ASXL2: variants seen among roughly 807,000 people sequenced by gnomAD.
ASXL2 encodes the protein putative Polycomb group protein ASXL2.
In ASXL2, 23 loss-of-function variants were observed where a neutral mutation model predicts 122.0. That is an observed-to-expected ratio of 0.19 (90% CI 0.14 to 0.27). ASXL2 has a LOEUF of 0.27. Ranked by LOEUF, ASXL2 falls within the 10% of genes least tolerant of loss-of-function variation. ASXL2 has a pLI of 1.00. For missense variants in ASXL2, 1,518 were observed against 1,713.8 expected (o/e 0.89, Z 2.02); for synonymous variants, 650 against 637.0 (o/e 1.02, Z -0.31).
chr2:25,804,830 A>G (rs2089056100), intron 4 of ASXL2, among the ~76,000 whole-genome samples: 1 of 152,136 alleles, frequency 6.6e-6, no homozygotes, highest in African/African-American at 2.4e-5. Context: ...AGGGTGGATT[A>G]CCTGAGGTCA....
chr2:25,746,065 T>C (rs140975970), intron 12 of ASXL2, among the ~76,000 whole-genome samples: 2 of 152,280 alleles, frequency 1.3e-5, no homozygotes, highest in East Asian at 3.9e-4. Context: ...TGGACTCTTC[T>C]AGTAACTGGT....
At chr2:25,800,384 G>A (rs536647302) in intron 4 of ASXL2, among the ~76,000 whole-genome samples, 2 of 152,284 alleles carry the variant, frequency 1.3e-5, no homozygotes, top group South Asian at 4.1e-4. Flanking sequence ...TTCAATTACA[G>A]AGTAAGAGTC....
chr2:25,734,074 A>AATAGGT lies in ASXL2; in HGVS notation c.*7949_*7954dup, dbSNP rs1384946878. ...AGACAGGTTTTTTTTTTTTAAAAAA[A>AATAGGT]ATAGGTCAAAGCACTTACAGCTAAG... On this transcript the variant is annotated 3_prime_UTR_variant, in exon 13 of 13. Transcript: ENST00000435504. The AATAGGT allele has an allele frequency of 2.0e-5, 3 of 151,766 alleles. No homozygotes were observed. Among genetic ancestry groups the AATAGGT allele is most frequent in the Non-Finnish European group, 4.4e-5 (3 of 67,930 alleles). The allele number at this position is 151,766 out of a possible 1,614,324, so 9.4% of individuals were successfully genotyped here.
At chr2:25,820,937 C>T (rs150677508) in intron 3 of ASXL2, among the ~76,000 whole-genome samples, 20 of 152,136 alleles carry the variant, frequency 1.3e-4, no homozygotes, top group Admixed American at 8.5e-4. Flanking sequence ...GAGGCCTAGG[C>T]GGGCGGATCA....
intron 5 of ASXL2, among the ~76,000 whole-genome samples, chr2:25,786,259 T>TTTTTTTTTTTTTTTA (rs1574416043): frequency 3.1e-5 from 4 of 128,834 alleles, no homozygotes; most frequent in African/African-American, 5.4e-5. Context: ...TTTTTTTTTT[T>TTTTTTTTTTTTTTTA]GAGATGGAGT....
intron 1 of ASXL2, among the ~76,000 whole-genome samples, chr2:25,851,691 GACC>G (rs1289153594): frequency 1.3e-5 from 2 of 152,130 alleles, no homozygotes; most frequent in African/African-American, 4.8e-5. Context: ...GCTCAGTCAT[GACC>G]AGCCTGGCCA....
rs371900260 is a variant in ASXL2 at position 25,736,118 on chromosome 2, T to C, written c.*5911A>G. ...ATTAGTAAATAACATGATTTGTACA[T>C]AAAAAGTTACCAGACTTCTAAAGAC... On this transcript the variant is annotated 3_prime_UTR_variant, in exon 13 of 13. Coordinates refer to ENST00000435504, the MANE Select transcript of ASXL2 (RefSeq NM_018263.6). The C allele has an allele frequency of 2.2e-3, 333 of 152,284 alleles. 1 individual carries two copies. Among genetic ancestry groups the C allele is most frequent in the African/African-American group, 7.8e-3 (326 of 41,552 alleles). 9.4% of individuals were successfully genotyped at this position (152,284 alleles called of 1,614,324 possible).
chr2:25,748,236 C>T (rs550963444), intron 12 of ASXL2, among the ~76,000 whole-genome samples: 18 of 151,646 alleles, frequency 1.2e-4, no homozygotes, highest in African/African-American at 3.9e-4. Flanking sequence ...CGGTGGCCCA[C>T]GCCTGTAATC....
chr2:25,746,232 T>C (rs1055185627), intron 12 of ASXL2, among the ~76,000 whole-genome samples: 3 of 152,192 alleles, frequency 2.0e-5, no homozygotes, highest in African/African-American at 7.2e-5. Flanking sequence ...TTTGCAATAC[T>C]CATTTCTCAA....
intron 9 of ASXL2, among the ~76,000 whole-genome samples, chr2:25,756,465 G>GAAAAAAAAAAGAAAAAAAAAAAAAA (rs2088137252): frequency 6.6e-5 from 6 of 91,372 alleles, no homozygotes; most frequent in Admixed American, 1.2e-4. Context: ...AAAAAAAAAA[G>GAAAAAAAAAAGAAAAAAAAAAAAAA]AAAAAAAAAA....
In ASXL2 at chr2:25,743,622, A is replaced by T; in HGVS notation, c.2715T>A (p.Ser905Arg). ...TLEKLPVPQV[S>R]ATTAPAGSAP... The stretch of plus-strand genomic sequence containing the variant: ...CTGATCCAGCAGGTGCTGTAGTTGC[A>T]CTGACCTGGGGTACAGGAAGCTTTT... The change falls in exon 13 of 13, where the codon AGT becomes AGA. Residue 905 changes from serine to arginine, a missense_variant. Physicochemically the swap from Ser to Arg is moderately radical, Grantham distance 110. This residue lies in a region of ASXL2 where 831 missense variants were observed against 833.1 expected (regional missense o/e 1.00). Coordinates refer to ENST00000435504, the MANE Select transcript of ASXL2 (RefSeq NM_018263.6). 6.2e-7 allele frequency: 1 copy of T among 1,614,022 alleles called. No homozygotes were observed. The highest frequency in any genetic ancestry group is 8.5e-7 in the Non-Finnish European group (1 of 1,179,890).
rs747995535 is a variant in ASXL2 at position 25,878,252 on chromosome 2, C to T, written c.-30G>A. 1.4e-5 allele frequency: 22 copies of T among 1,612,614 alleles called. No individual in the cohort carries two copies. Among genetic ancestry groups the T allele is most frequent in the Non-Finnish European group, 1.8e-5 (21 of 1,179,106 alleles). Reference sequence around the variant, plus strand: ...GGTCTTGAACTGACTGGGAGGCTCCCGTGTCCGGGCTCCGGCCGCCCTCCC... The same window carrying T: ...GGTCTTGAACTGACTGGGAGGCTCCTGTGTCCGGGCTCCGGCCGCCCTCCC... On this transcript the variant is annotated 5_prime_UTR_variant, in exon 1 of 13. Transcript: ENST00000435504.
At chr2:25,791,518 A>C (rs1471995719) in intron 5 of ASXL2, among the ~76,000 whole-genome samples, 6 of 152,026 alleles carry the variant, frequency 3.9e-5, no homozygotes, top group Non-Finnish European at 7.4e-5. Context: ...TTTGTACAAC[A>C]AATATCTTGT....
chr2:25,856,018 C>T (rs1272981098), intron 1 of ASXL2, among the ~76,000 whole-genome samples: 10 of 151,620 alleles, frequency 6.6e-5, no homozygotes, highest in South Asian at 2.1e-4. Context: ...CTCAGCCTCC[C>T]GAGTAGCTGG....
chr2:25,813,441 A>C (rs1221115740), intron 3 of ASXL2, among the ~76,000 whole-genome samples: 3 of 152,204 alleles, frequency 2.0e-5, no homozygotes, highest in African/African-American at 7.2e-5. Flanking sequence ...ATGAATACTC[A>C]CACTAAGATG....
At position 25,740,356 on chromosome 2, in the gene ASXL2, T is replaced by C. The variant is rs1025353818; in HGVS notation, c.*1673A>G. ...TTGCCCATTTTCTCCTAATCTGGAA[T>C]GTGACTTAACAAGTTTAAACTGTTC... On this transcript the variant is annotated 3_prime_UTR_variant, in exon 13 of 13. Transcript: ENST00000435504. The C allele has an allele frequency of 1.8e-5, 4 of 224,822 alleles. No homozygotes were observed. The highest frequency in any genetic ancestry group is 8.9e-5 in the African/African-American group (4 of 44,862). The allele number at this position is 224,822 out of a possible 1,614,324, so 13.9% of individuals were successfully genotyped here. A position where few individuals can be genotyped will look rare whatever the true frequency, so the allele number is the denominator to read the frequency against.
chr2:25,779,241 C>T (rs1381252978), intron 5 of ASXL2, among the ~76,000 whole-genome samples: 1 of 151,690 alleles, frequency 6.6e-6, no homozygotes, highest in Admixed American at 6.6e-5. Flanking sequence ...GGATTACAGG[C>T]GCCCACCACC....
intron 5 of ASXL2, among the ~76,000 whole-genome samples, chr2:25,782,837 T>C (rs1314005920): frequency 1.3e-5 from 2 of 152,074 alleles, no homozygotes; most frequent in African/African-American, 4.8e-5. Context: ...AAACATATGG[T>C]TGCATTCTGG....
rs1428254706 is a variant in ASXL2 at position 25,742,341 on chromosome 2, A to G, written c.3996T>C (p.Asn1332=). The G allele has an allele frequency of 6.8e-7, 1 of 1,464,042 alleles. No individual in the cohort carries two copies. Among genetic ancestry groups the G allele is most frequent in the South Asian group, 1.1e-5 (1 of 88,986 alleles). The allele number at this position is 1,464,042 out of a possible 1,614,324, so 90.7% of individuals were successfully genotyped here. A position where few individuals can be genotyped will look rare whatever the true frequency, so the allele number is the denominator to read the frequency against. The change falls in exon 13 of 13, where the codon AAT becomes AAC. Residue 1332 remains asparagine, a synonymous_variant. Coordinates refer to ENST00000435504, the MANE Select transcript of ASXL2 (RefSeq NM_018263.6). ...QIGPSYRGMI[N]VSTSSDMDHN... ...GGTCCATGTCAGATGAGGTGGAGAC[A>G]TTGATCATGCCTCTATAGCTTGGCC...
Sources: gnomAD v4.1 joint callset for allele counts (sites outside exome capture counted in the v4.1 genomes callset) on GRCh38, gnomAD v4.1.1 for gene constraint, gnomAD v4.1.1 regional missense constraint, MANE v1.5 for transcripts, NCBI Gene and HGNC (gene_info 2026-07-23, HGNC 2026-07-21) for gene names.